CADPS: variants seen among roughly 807,000 people sequenced by gnomAD.
CADPS encodes calcium-dependent secretion activator 1.
Under a neutral mutation model 167.3 loss-of-function variants are expected in CADPS, and 57 were observed. The ratio of observed to expected loss-of-function variants is 0.34; its 90% CI spans 0.28 to 0.42. The LOEUF (loss-of-function observed/expected upper bound fraction) is 0.42. Ranked by LOEUF, CADPS falls within the 20% of genes least tolerant of loss-of-function variation. The pLI is 1.00. For synonymous variants in CADPS, 676 were observed against 635.3 expected (o/e 1.06, Z -0.96); for missense variants, 1,414 against 1,738.1 (o/e 0.81, Z 3.32).
chr3:62,687,033 AG>A (rs1261146242), intron 3 of CADPS, among the ~76,000 whole-genome samples: 1 of 152,158 alleles, frequency 6.6e-6, no homozygotes, highest in Non-Finnish European at 1.5e-5. Flanking sequence ...GCACATCTGC[AG>A]CAGCTGTAGC....
At chr3:62,408,045 C>G (rs1384205618) in intron 28 of CADPS, among the ~76,000 whole-genome samples, 1 of 152,140 alleles carries the variant, frequency 6.6e-6, no homozygotes, top group South Asian at 2.1e-4. Context: ...CATGGACATA[C>G]TTTCAATATG....
intron 1 of CADPS, among the ~76,000 whole-genome samples, chr3:62,841,213 T>C (rs1353533930): frequency 6.6e-6 from 1 of 152,202 alleles, no homozygotes; most frequent in Non-Finnish European, 1.5e-5. Context: ...GAAAAATTAC[T>C]GACTAGTAAG....
intron 28 of CADPS, among the ~76,000 whole-genome samples, chr3:62,425,994 T>C (rs1475205503): frequency 6.6e-6 from 1 of 152,192 alleles, no homozygotes; most frequent in Admixed American, 6.5e-5. Context: ...CCTTTAGCGA[T>C]ACTGTGGCAC....
chr3:62,632,896 G>A (rs1391301785), intron 6 of CADPS, among the ~76,000 whole-genome samples: 1 of 151,990 alleles, frequency 6.6e-6, no homozygotes, highest in African/African-American at 2.4e-5. Flanking sequence ...AATCCTTATG[G>A]GAATAAAACG....
intron 3 of CADPS, among the ~76,000 whole-genome samples, chr3:62,732,994 G>A (rs956484893): frequency 6.6e-6 from 1 of 152,178 alleles, no homozygotes; most frequent in African/African-American, 2.4e-5. Flanking sequence ...ATAGTCGATG[G>A]CTTTTCTCTT....
chr3:62,716,122 T>G (rs1198398001), intron 3 of CADPS, among the ~76,000 whole-genome samples: 1 of 152,130 alleles, frequency 6.6e-6, no homozygotes, highest in Non-Finnish European at 1.5e-5. Flanking sequence ...TGTAGTGGCA[T>G]GATCTTGGCT....
chr3:62,721,138 A>ATTTTTTTTTTTTTTTTT (rs1430413610), intron 3 of CADPS, among the ~76,000 whole-genome samples: 1 of 78,944 alleles, frequency 1.3e-5, no homozygotes, highest in African/African-American at 5.4e-5. Context: ...TTTTTTTAAA[A>ATTTTTTTTTTTTTTTTT]AAAAAAAGAA....
chr3:62,448,903 C>T (rs2057635845), intron 26 of CADPS, among the ~76,000 whole-genome samples: 1 of 152,240 alleles, frequency 6.6e-6, no homozygotes, highest in Non-Finnish European at 1.5e-5. Flanking sequence ...CGTGAGCCAC[C>T]ATGCCCGGCC....
intron 10 of CADPS, 26 bp from the exon 11 acceptor site, chr3:62,550,141 C>T: frequency 6.3e-7 from 1 of 1,578,888 alleles, no homozygotes; most frequent in Non-Finnish European, 8.7e-7. Context: ...GTAACAACTT[C>T]TACTAAGCTG....
chr3:62,479,848 G>A (rs1414587338), intron 22 of CADPS, among the ~76,000 whole-genome samples: 4 of 152,168 alleles, frequency 2.6e-5, no homozygotes, highest in South Asian at 2.1e-4. Context: ...GGGGGAATGC[G>A]TTGTTTCTCC....
chr3:62,735,984 G>A (rs772653438), intron 3 of CADPS, among the ~76,000 whole-genome samples: 1 of 152,148 alleles, frequency 6.6e-6, no homozygotes, highest in Non-Finnish European at 1.5e-5. Flanking sequence ...CTAGACCAGT[G>A]GGATCTAACT....
chr3:62,691,964 TTGA>T (rs1211277140), intron 3 of CADPS, among the ~76,000 whole-genome samples: 3 of 151,510 alleles, frequency 2.0e-5, no homozygotes, highest in African/African-American at 7.3e-5. Flanking sequence ...ATAGGATTTT[TTGA>T]TAATAATATG....
At chr3:62,407,867 G>A (rs2048215018) in intron 28 of CADPS, among the ~76,000 whole-genome samples, 1 of 152,110 alleles carries the variant, frequency 6.6e-6, no homozygotes. Flanking sequence ...CTGAGTAGCT[G>A]GGACTACAGG....
At chr3:62,779,505 T>A in intron 1 of CADPS, 2 of 538,722 alleles carry the variant, frequency 3.7e-6, no homozygotes, top group Admixed American at 3.9e-5. Context: ...TTCTCTGGCT[T>A]CAATCTTCTT....
chr3:62,827,661 C>T (rs1232432623), intron 1 of CADPS, among the ~76,000 whole-genome samples: 1 of 152,124 alleles, frequency 6.6e-6, no homozygotes, highest in African/African-American at 2.4e-5. Context: ...CTTTGATATA[C>T]AATCACATAC....
chr3:62,649,540 G>T (rs1030648172), intron 5 of CADPS, among the ~76,000 whole-genome samples: 1 of 94,458 alleles, frequency 1.1e-5, no homozygotes, highest in African/African-American at 4.1e-5. Context: ...TACAATATGT[G>T]GTCTTTTTTT....
In CADPS at chr3:62,458,697, C is replaced by T. The variant is rs1212655999; in HGVS notation, c.3636+6670G>A. On this transcript the variant is annotated intron_variant, in intron 26 of 29. Transcript: ENST00000383710. This position sits in a 1 kb window ranked among gnomAD's most constrained non-coding sequence, Gnocchi z 4.6. ...AGAGATGGAGTTTCACCATGTTGGCCAGGCTGGTCTCAAATTCCTGACCTC... is the reference window on the plus strand; with the variant it reads ...AGAGATGGAGTTTCACCATGTTGGCTAGGCTGGTCTCAAATTCCTGACCTC... Among the ~76,000 whole-genome samples, 3 of 152,060 alleles carry T rather than the reference C, an allele frequency of 2.0e-5. No individual in the cohort carries two copies. The highest frequency in any genetic ancestry group is 4.4e-5 in the Non-Finnish European group (3 of 68,012).
intron 21 of CADPS, among the ~76,000 whole-genome samples, chr3:62,483,796 G>A (rs779026258): frequency 3.3e-5 from 5 of 152,020 alleles, no homozygotes; most frequent in Admixed American, 1.3e-4. Context: ...TAACAAAACC[G>A]TTGGCGATTT....
intron 13 of CADPS, among the ~76,000 whole-genome samples, chr3:62,530,047 G>C (rs965435984): frequency 1.3e-5 from 2 of 152,108 alleles, no homozygotes; most frequent in Admixed American, 1.3e-4. Flanking sequence ...AACAGGACAG[G>C]ATAAACAAAA....
Sources: allele counts gnomAD v4.1 joint callset (sites outside exome capture counted in the v4.1 genomes callset), GRCh38; gene constraint gnomAD v4.1.1; non-coding constraint Gnocchi (gnomAD v3.1); transcripts MANE v1.5; gene names NCBI Gene and HGNC (gene_info 2026-07-23, HGNC 2026-07-21).